ETF1: variants seen among roughly 807,000 people sequenced by gnomAD.
ETF1 encodes the protein eukaryotic translation termination factor 1.
ETF1 carries 4 observed loss-of-function variants against 55.1 expected under a neutral mutation model. The observed-to-expected ratio is 0.07, with a 90% CI of 0.04 to 0.17. ETF1 has a LOEUF of 0.17. ETF1 is among the 10% of genes least tolerant of loss of function. The pLI is 1.00. For missense variants in ETF1, 142 were observed against 523.6 expected, an observed-to-expected ratio of 0.27 and a Z score of 7.11; for synonymous variants, 157 against 182.3, an observed-to-expected ratio of 0.86 and a Z score of 1.12.
At chr5:138,508,996 T>C (rs1764659429) in intron 9 of ETF1, 180 bp from the exon 10 acceptor site, 1 of 983,224 alleles carries the variant, frequency 1.0e-6, no homozygotes, top group Non-Finnish European at 1.2e-6. Context: ...AGCAGAGAAA[T>C]TCGGATTATT....
chr5:138,519,240 T>C lies in ETF1; in HGVS notation c.87-373A>G, dbSNP rs958722470. 35 of 974,488 alleles carry C rather than the reference T, an allele frequency of 3.6e-5. No individual in the cohort carries two copies. In the African/African-American group the frequency reaches 5.8e-4, roughly 16 times the overall value. The allele number at this position is 974,488 out of a possible 1,614,324, so 60.4% of individuals were successfully genotyped here. A position where few individuals can be genotyped will look rare whatever the true frequency, so the allele number is the denominator to read the frequency against. On this transcript the variant is annotated intron_variant, in intron 2 of 10. Coordinates refer to ENST00000360541, the MANE Select transcript of ETF1 (RefSeq NM_004730.4). ...AGAGCCTTCAAATGTGGTGGTTGAG[T>C]GGGAGACGCCATGACAGGATGATGC...
rs1197118825 is a variant in ETF1, at chr5:138,540,504, T to C, written c.86+2329A>G. Among the ~76,000 whole-genome samples the C allele has an allele frequency of 2.6e-5, 4 of 152,320 alleles. No homozygotes were observed. The East Asian group carries it at 7.7e-4, about 29-fold the overall frequency. ...ATCTAGAGTCTGACTTTAACACAAGTTGGCAATGAAAATATTCCCACCTCC... is the reference window on the plus strand; with the variant it reads ...ATCTAGAGTCTGACTTTAACACAAGCTGGCAATGAAAATATTCCCACCTCC... On this transcript the variant is annotated intron_variant, in intron 2 of 10. Coordinates refer to ENST00000360541, the MANE Select transcript of ETF1 (RefSeq NM_004730.4).
At position 138,506,691 on chromosome 5, in the gene ETF1, A is replaced by C. The variant is rs934416103; in HGVS notation, c.*1614T>G. On this transcript the variant is annotated 3_prime_UTR_variant, in exon 11 of 11. Coordinates refer to ENST00000360541, the MANE Select transcript of ETF1 (RefSeq NM_004730.4). ...AGACAGTATTTGGACCTCAGAGTAC[A>C]GTGTGAGAACCAGAAACTTTACATT... 3.3e-5 allele frequency: 5 copies of C among 152,690 alleles called. No individual in the cohort carries two copies. Among genetic ancestry groups the C allele is most frequent in the African/African-American group, 1.2e-4 (5 of 41,462 alleles). The allele number at this position is 152,690 out of a possible 1,614,324, so 9.5% of individuals were successfully genotyped here. A position where few individuals can be genotyped will look rare whatever the true frequency, so the allele number is the denominator to read the frequency against.
intron 2 of ETF1, among the ~76,000 whole-genome samples, chr5:138,531,281 A>G (rs1191242713): frequency 6.6e-6 from 1 of 152,182 alleles, no homozygotes; most frequent in Non-Finnish European, 1.5e-5. Flanking sequence ...TCTTGCCATG[A>G]GAGGAACAGT....
Position 138,517,657 on chromosome 5 carries a change from T to C in ETF1, c.306A>G (p.Thr102=), listed in dbSNP as rs761396154. The change falls in exon 4 of 11, where the codon ACA becomes ACG. Residue 102 remains threonine, a synonymous_variant. Coordinates refer to ENST00000360541, the MANE Select transcript of ETF1 (RefSeq NM_004730.4). ...TGACTTTCTTTTCCTTTCCTTCTTC[T>C]GTTACAATTGTTCCACAGTATACAA... ...GLVVYCGTIV[T]EEGKEKKVNI... 8 of 1,591,472 alleles carry C rather than the reference T, an allele frequency of 5.0e-6. No homozygotes were observed. In the African/African-American group the frequency reaches 9.4e-5, roughly 19 times the overall value.
chr5:138,508,860 T>C, intron 9 of ETF1, 44 bp from the exon 10 acceptor site: 1 of 1,595,706 alleles, frequency 6.3e-7, no homozygotes, highest in Non-Finnish European at 8.5e-7. Flanking sequence ...GATTAGGATA[T>C]ATGAAGGCTA....
At chr5:138,530,348 G>A (rs571367222) in intron 2 of ETF1, among the ~76,000 whole-genome samples, 2 of 151,608 alleles carry the variant, frequency 1.3e-5, no homozygotes, top group South Asian at 4.2e-4. Flanking sequence ...GTGTGATCTC[G>A]GCTCACTGCA....
rs566984073 is a variant in ETF1 at position 138,517,138 on chromosome 5, A to C, written c.402+423T>G. Among the ~76,000 whole-genome samples the C allele has an allele frequency of 2.0e-5, 3 of 152,242 alleles. No homozygotes were observed. The East Asian group carries it at 5.8e-4, about 29-fold the overall frequency. ...GTAATCCTAGTACTTTGGGAGGCTA[A>C]GGTGGGTGGATCACGAGGTCAGGAG... On this transcript the variant is annotated intron_variant, in intron 4 of 10. Transcript: ENST00000360541.
In ETF1 at chr5:138,532,208, G is replaced by T. The variant is rs1398925819; in HGVS notation, c.86+10625C>A. 2.6e-5 allele frequency among the ~76,000 whole-genome samples: 4 copies of T among 152,024 alleles called. No individual in the cohort carries two copies. The South Asian group carries it at 6.2e-4, about 24-fold the overall frequency. On this transcript the variant is annotated intron_variant, in intron 2 of 10. Coordinates refer to ENST00000360541, the MANE Select transcript of ETF1 (RefSeq NM_004730.4). ...ACTGTCATTGTTTTATTCACTGTGT[G>T]TTTTCCATTTTTCTTCTCCCAAATT...
intron 8 of ETF1, 53 bp downstream of exon 8, chr5:138,510,992 C>A: frequency 6.3e-7 from 1 of 1,588,496 alleles, no homozygotes. Context: ...AATCTCCACC[C>A]CAGGCTTCCT....
chr5:138,517,298 G>C (rs577213089), intron 4 of ETF1, among the ~76,000 whole-genome samples: 8 of 152,074 alleles, frequency 5.3e-5, no homozygotes, highest in African/African-American at 1.9e-4. Flanking sequence ...TTGAATCTGG[G>C]AGGCGGAGCT....
intron 9 of ETF1, among the ~76,000 whole-genome samples, chr5:138,509,764 G>A (rs990104103): frequency 2.4e-4 from 36 of 151,784 alleles, no homozygotes; most frequent in African/African-American, 8.5e-4. Context: ...GCGTGGTGGC[G>A]GGCGCCTGTA....
intron 7 of ETF1, 96 bp from the exon 8 acceptor site, chr5:138,511,296 T>C (rs1211276621): frequency 1.3e-6 from 2 of 1,542,264 alleles, no homozygotes; most frequent in South Asian, 1.3e-5. Context: ...AGATAAAAAA[T>C]AATGCTTTTA....
chr5:138,514,020 A>C (rs1245301693), intron 4 of ETF1: 1 of 591,630 alleles, frequency 1.7e-6, no homozygotes, highest in Non-Finnish European at 2.1e-6. Context: ...ACAGCAGTTA[A>C]TACTACTCAA....
At chr5:138,531,299 C>T (rs1044933403) in intron 2 of ETF1, among the ~76,000 whole-genome samples, 1 of 152,034 alleles carries the variant, frequency 6.6e-6, no homozygotes, top group African/African-American at 2.4e-5. Flanking sequence ...AGTGTTCCTC[C>T]CCAACAAAGG....
Position 138,508,270 on chromosome 5 carries a change from G to A in ETF1, c.*35C>T, listed in dbSNP as rs1436550200. On this transcript the variant is annotated 3_prime_UTR_variant, in exon 11 of 11. Transcript: ENST00000360541. ...ATGCTCCTTGGGTTGGATGCTGGAG[G>A]GTGAGGCACGTTTTGCCGGACCCAT... 1.2e-6 allele frequency: 2 copies of A among 1,606,326 alleles called. No homozygotes were observed. Among genetic ancestry groups the A allele is most frequent in the Admixed American group, 3.4e-5 (2 of 59,158 alleles).
At chr5:138,517,930 G>A in intron 3 of ETF1, 2 of 978,854 alleles carry the variant, frequency 2.0e-6, no homozygotes, top group Non-Finnish European at 2.4e-6. Context: ...TGGACGTGGT[G>A]GTGGCTCACG....
intron 2 of ETF1, among the ~76,000 whole-genome samples, chr5:138,525,343 A>C (rs1765424006): frequency 6.6e-6 from 1 of 151,272 alleles, no homozygotes; most frequent in Non-Finnish European, 1.5e-5. Context: ...TTTTTAGTAG[A>C]GATAAGGTTT....
chr5:138,512,669 A>G, intron 6 of ETF1, 95 bp downstream of exon 6: 2 of 1,171,836 alleles, frequency 1.7e-6, no homozygotes, highest in South Asian at 3.2e-5. Flanking sequence ...AACCCAAGGA[A>G]TTTTAAAAAG....
Sources: gnomAD v4.1 joint callset for allele counts (sites outside exome capture counted in the v4.1 genomes callset) on GRCh38, gnomAD v4.1.1 for gene constraint, MANE v1.5 for transcripts, NCBI Gene and HGNC (gene_info 2026-07-23, HGNC 2026-07-21) for gene names.